The following AQP9 variants were observed in gnomAD, a reference collection of about 807,000 sequenced individuals.
AQP9 encodes aquaporin 9.
A neutral mutation model predicts 23.8 loss-of-function variants in AQP9; 19 were observed. That is an observed-to-expected ratio of 0.80 (90% CI 0.56 to 1.17). The LOEUF (loss-of-function observed/expected upper bound fraction) is 1.17. Ranked by LOEUF, AQP9 falls within the 50% of genes most tolerant of loss-of-function variation. The pLI, the probability that AQP9 is intolerant of heterozygous loss-of-function variation, is 0.00. For missense variants in AQP9, 413 were observed against 362.0 expected (o/e 1.14, Z -1.14); for synonymous variants, 153 against 131.5 (o/e 1.16, Z -1.12).
intron 1 of AQP9, among the ~76,000 whole-genome samples, chr15:58,161,434 C>T (rs1240556468): frequency 2.0e-5 from 3 of 152,014 alleles, no homozygotes; most frequent in Non-Finnish European, 2.9e-5. Context: ...CATTGCTTTC[C>T]TACAAAAAGC....
chr15:58,163,689 A>G (rs1044585284), intron 1 of AQP9, among the ~76,000 whole-genome samples: 2 of 152,186 alleles, frequency 1.3e-5, no homozygotes, highest in Admixed American at 1.3e-4. Context: ...TTTTGAGTCT[A>G]AGAAGGGAAA....
In AQP9 at chr15:58,182,891, A is replaced by G. The variant is rs183934632; in HGVS notation, c.714-1070A>G. ...GGGGAATGGGGGTTTGATTTGCTCA[A>G]AGACCTTCTAGATAATCTTGAGATT... On this transcript the variant is annotated intron_variant, in intron 5 of 5. Transcript: ENST00000219919. Among the ~76,000 whole-genome samples, 24 of 152,314 alleles carry G rather than the reference A, an allele frequency of 1.6e-4. No homozygotes were observed. The East Asian group carries it at 4.4e-3, about 28-fold the overall frequency.
Position 58,161,175 on chromosome 15 carries a change from G to A in AQP9, c.112-5498G>A, listed in dbSNP as rs935898037. Among the ~76,000 whole-genome samples the A allele has an allele frequency of 4.6e-5, 7 of 152,214 alleles. 1 individual carries two copies. The South Asian group carries it at 1.5e-3, about 32-fold the overall frequency. On this transcript the variant is annotated intron_variant, in intron 1 of 5. Coordinates refer to ENST00000219919, the MANE Select transcript of AQP9 (RefSeq NM_020980.5). ...CACTGATTGGAGGCTGCAGATGAAG[G>A]CTCTGCAAGATATGGGAATGACAGA...
chr15:58,163,605 C>G (rs192899794), intron 1 of AQP9, among the ~76,000 whole-genome samples: 1 of 152,004 alleles, frequency 6.6e-6, no homozygotes, highest in African/African-American at 2.4e-5. Context: ...TCTGAATGGA[C>G]GACAGACCTA....
In AQP9 at chr15:58,141,261, G is replaced by A. The variant is rs541396506; in HGVS notation, c.111+2585G>A. Among the ~76,000 whole-genome samples the A allele has an allele frequency of 9.9e-5, 15 of 152,228 alleles. No homozygotes were observed. The South Asian group carries it at 3.1e-3, about 32-fold the overall frequency. On this transcript the variant is annotated intron_variant, in intron 1 of 5. Transcript: ENST00000219919. ...TCTCCTCTCTCTTCAAACTTTTCAG[G>A]ATTCTTTGATACAGAGCTCATCTTA...
At chr15:58,164,521 T>C (rs2140614663) in intron 1 of AQP9, among the ~76,000 whole-genome samples, 1 of 152,340 alleles carries the variant, frequency 6.6e-6, no homozygotes, top group South Asian at 2.1e-4. Flanking sequence ...ACAGTTATTA[T>C]AATAGATAAG....
intron 4 of AQP9, among the ~76,000 whole-genome samples, chr15:58,176,670 G>A (rs1663246): frequency 0.72 from 107,556 of 148,678 alleles, 39,503 homozygotes; most frequent in Middle Eastern, 0.82. Flanking sequence ...GAGTGCAGTG[G>A]CGTGATCTCA....
intron 1 of AQP9, among the ~76,000 whole-genome samples, chr15:58,142,558 TTCTGAGGTGGCTCAGTGATG>T (rs1897969812): frequency 6.6e-6 from 1 of 152,324 alleles, no homozygotes; most frequent in Non-Finnish European, 1.5e-5. Context: ...AACACCAGGG[TTCTGAGGTGGCTCAGTGATG>T]TCTTCAGCTC....
chr15:58,148,775 G>A (rs1295244978), intron 1 of AQP9, among the ~76,000 whole-genome samples: 2 of 152,220 alleles, frequency 1.3e-5, no homozygotes, highest in Non-Finnish European at 2.9e-5. Flanking sequence ...GCCCAGTAGA[G>A]ATAGTGGAGT....
intron 5 of AQP9, 104 bp from the exon 6 acceptor site, chr15:58,183,857 G>A: frequency 1.5e-6 from 2 of 1,338,660 alleles, no homozygotes; most frequent in Non-Finnish European, 1.0e-6. Context: ...TGAGTTAAGA[G>A]GGAACCATGA....
intron 4 of AQP9, among the ~76,000 whole-genome samples, chr15:58,175,989 A>G (rs1333936989): frequency 6.6e-6 from 1 of 152,230 alleles, no homozygotes; most frequent in African/African-American, 2.4e-5. Flanking sequence ...CAGAGTCTGA[A>G]TGCTTGAATT....
intron 2 of AQP9, among the ~76,000 whole-genome samples, chr15:58,167,746 G>A (rs1333347809): frequency 6.6e-6 from 1 of 151,854 alleles, no homozygotes; most frequent in African/African-American, 2.4e-5. Context: ...TTTTTTTTAG[G>A]AGTCTTGCTT....
At chr15:58,173,488 G>A (rs1391493306) in intron 3 of AQP9, among the ~76,000 whole-genome samples, 3 of 152,152 alleles carry the variant, frequency 2.0e-5, no homozygotes, top group Non-Finnish European at 2.9e-5. Flanking sequence ...CAAGCAGTAG[G>A]CCAGTGGCTT....
intron 4 of AQP9, among the ~76,000 whole-genome samples, chr15:58,175,338 T>C (rs1441919921): frequency 1.3e-5 from 2 of 152,256 alleles, no homozygotes; most frequent in Admixed American, 6.5e-5. Context: ...CACTTCACTA[T>C]TGACTCTTTT....
At chr15:58,147,466 G>C (rs962892235) in intron 1 of AQP9, among the ~76,000 whole-genome samples, 133 of 152,262 alleles carry the variant, frequency 8.7e-4, no homozygotes, top group African/African-American at 3.2e-3. Context: ...TCTGGGGCAG[G>C]ATTGCTGAGT....
intron 1 of AQP9, chr15:58,146,937 T>C (rs1395202927): frequency 6.6e-6 from 1 of 152,246 alleles, no homozygotes; most frequent in Non-Finnish European, 1.5e-5. Context: ...CCAGCTCTTT[T>C]GACATCCTTA....
In AQP9 at chr15:58,162,662, T is replaced by C. The variant is rs182201409; in HGVS notation, c.112-4011T>C. 1.1e-3 allele frequency among the ~76,000 whole-genome samples: 166 copies of C among 152,302 alleles called. 1 individual carries two copies. Among genetic ancestry groups the C allele is most frequent in the Admixed American group, 2.5e-3 (39 of 15,298 alleles). ...GTGCAGGGTTTAAGAGCACAGTCTC[T>C]AGATCCTATATGATGCTCAGTCTTG... On this transcript the variant is annotated intron_variant, in intron 1 of 5. Coordinates refer to ENST00000219919, the MANE Select transcript of AQP9 (RefSeq NM_020980.5).
intron 1 of AQP9, chr15:58,164,116 T>G (rs1898445921): frequency 6.6e-6 from 1 of 152,314 alleles, no homozygotes; most frequent in Non-Finnish European, 1.5e-5. Flanking sequence ...CAGCATTGAT[T>G]ATCCTCCTAA....
chr15:58,180,834 T>C (rs1566991737), intron 5 of AQP9, among the ~76,000 whole-genome samples: 1 of 152,158 alleles, frequency 6.6e-6, no homozygotes, highest in Non-Finnish European at 1.5e-5. Flanking sequence ...TCCAAAATGT[T>C]AATAGGTTTG....
Sources: allele counts gnomAD v4.1 joint callset (sites outside exome capture counted in the v4.1 genomes callset), GRCh38; gene constraint gnomAD v4.1.1; transcripts MANE v1.5; gene names NCBI Gene and HGNC (gene_info 2026-07-23, HGNC 2026-07-21).